The following POMGNT2 variants were observed in gnomAD, a reference collection of about 807,000 sequenced individuals.
The protein encoded by POMGNT2 is protein O-linked-mannose beta-1,4-N-acetylglucosaminyltransferase 2.
Under a neutral mutation model 37.8 loss-of-function variants are expected in POMGNT2, and 32 were observed. The ratio of observed to expected loss-of-function variants is 0.85; its 90% CI spans 0.64 to 1.14. POMGNT2 has a LOEUF of 1.14. Among genes scored for constraint, POMGNT2 ranks in the 50% most tolerant of loss-of-function variants. The pLI is 0.00. For synonymous variants in POMGNT2, 340 were observed against 336.8 expected, an observed-to-expected ratio of 1.01 and a Z score of -0.10; for missense variants, 705 against 780.6, an observed-to-expected ratio of 0.90 and a Z score of 1.15.
At chr3:43,097,528 C>T (rs74573598) in intron 1 of POMGNT2, among the ~76,000 whole-genome samples, 75 of 151,864 alleles carry the variant, frequency 4.9e-4, no homozygotes, top group Non-Finnish European at 9.1e-4. Context: ...GAAAGGAAGC[C>T]GGGAGAGGGA....
chr3:43,101,728 T>C (rs562029634), intron 1 of POMGNT2, among the ~76,000 whole-genome samples: 121 of 152,310 alleles, frequency 7.9e-4, no homozygotes, highest in African/African-American at 2.4e-3. Context: ...ACTAATTCAA[T>C]TGAGAATAAC....
chr3:43,100,613 G>A (rs369529893), intron 1 of POMGNT2, among the ~76,000 whole-genome samples: 21 of 152,092 alleles, frequency 1.4e-4, no homozygotes, highest in African/African-American at 4.3e-4. Context: ...AAAAATTAAC[G>A]AAATGAATAT....
At chr3:43,096,878 TAAGCTCCC>T (rs541764486) in intron 1 of POMGNT2, among the ~76,000 whole-genome samples, 64 of 152,366 alleles carry the variant, frequency 4.2e-4, no homozygotes, top group African/African-American at 1.3e-3. Flanking sequence ...ACCACTTTAC[TAAGCTCCC>T]AAGAGCAGTT....
chr3:43,094,373 T>A (rs538053576), intron 1 of POMGNT2, among the ~76,000 whole-genome samples: 1 of 152,210 alleles, frequency 6.6e-6, no homozygotes, highest in Admixed American at 6.5e-5. Context: ...CTGGGCCAAG[T>A]TGCTTACTGG....
At chr3:43,088,757 C>A (rs2089918795) in intron 1 of POMGNT2, among the ~76,000 whole-genome samples, 1 of 152,226 alleles carries the variant, frequency 6.6e-6, no homozygotes, top group Non-Finnish European at 1.5e-5. Flanking sequence ...CAGCTTGAGG[C>A]AAAGACAGTG....
rs1285264802 is a variant in POMGNT2, at chr3:43,080,452, G to A, written c.980C>T (p.Thr327Ile). 1.2e-6 allele frequency: 2 copies of A among 1,614,110 alleles called. No individual in the cohort carries two copies. Among genetic ancestry groups the A allele is most frequent in the South Asian group, 1.1e-5 (1 of 91,096 alleles). Residue 327 changes from threonine (T) to isoleucine (I), a missense_variant, in exon 2 of 2, where the codon ACC (threonine) becomes ATC (isoleucine). Transcript: ENST00000344697. ...KTVTVSLEDH[T>I]FADVVRLVSN... The stretch of plus-strand genomic sequence containing the variant: ...GACCAGCCGCACGACATCAGCAAAG[G>A]TGTGGTCCTCCAGGGACACTGTCAC...
intron 1 of POMGNT2, among the ~76,000 whole-genome samples, chr3:43,105,177 T>G (rs991039676): frequency 1.3e-5 from 2 of 152,182 alleles, no homozygotes; most frequent in African/African-American, 4.8e-5. Flanking sequence ...TCACATACTT[T>G]AGCAGAGAGT....
intron 1 of POMGNT2, among the ~76,000 whole-genome samples, chr3:43,088,750 C>A (rs1279418544): frequency 1.3e-5 from 2 of 152,230 alleles, no homozygotes; most frequent in Non-Finnish European, 2.9e-5. Context: ...CGGAAACCAG[C>A]TTGAGGCAAA....
At position 43,080,589 on chromosome 3, in the gene POMGNT2, TC is replaced by T. The variant is rs1559414350; in HGVS notation, c.842del (p.Gly281GlufsTer4). The T allele has an allele frequency of 6.2e-7, 1 of 1,614,218 alleles. No individual in the cohort carries two copies. The highest frequency in any genetic ancestry group is 1.3e-5 in the African/African-American group (1 of 75,064). Reference protein sequence around the residue: ...MTEKLNVSHTGVPLGEEYILV... With the variant: ...MTEKLNVSHTXVPLGEEYILV... Reference sequence around the variant, plus strand: ...GAATGTACTCCTCGCCTAGGGGGACTCCTGTGTGGCTCACGTTCAGCTTTTC... The same window carrying T: ...GAATGTACTCCTCGCCTAGGGGGACTCTGTGTGGCTCACGTTCAGCTTTTC... On this transcript the variant is annotated frameshift_variant, in exon 2 of 2. Transcript: ENST00000344697. LOFTEE classifies it high-confidence loss of function.
At chr3:43,091,730 A>AACTTATTGACGTAATGT (rs2089944768) in intron 1 of POMGNT2, among the ~76,000 whole-genome samples, 1 of 152,238 alleles carries the variant, frequency 6.6e-6, no homozygotes, top group African/African-American at 2.4e-5. Flanking sequence ...CACCTGTAAT[A>AACTTATTGACGTAATGT]ACCTATTGAC....
At chr3:43,100,413 G>A (rs2090009749) in intron 1 of POMGNT2, among the ~76,000 whole-genome samples, 1 of 152,156 alleles carries the variant, frequency 6.6e-6, no homozygotes, top group Admixed American at 6.5e-5. Context: ...TTTTATAACA[G>A]GCACTTGAGC....
At chr3:43,084,564 G>A (rs575197385) in intron 1 of POMGNT2, among the ~76,000 whole-genome samples, 1 of 151,752 alleles carries the variant, frequency 6.6e-6, no homozygotes, top group East Asian at 2.0e-4. Context: ...AGAATGGCAT[G>A]AACCCAGGAG....
rs72872331 is a variant in POMGNT2, at chr3:43,098,534, T to C, written c.-106+7302A>G. Among the ~76,000 whole-genome samples, 3,014 of 152,350 alleles carry C rather than the reference T, an allele frequency of 0.02. 100 individuals carry two copies. Among genetic ancestry groups the C allele is most frequent in the African/African-American group, 0.068 (2,835 of 41,568 alleles). On this transcript the variant is annotated intron_variant, in intron 1 of 1. Transcript: ENST00000344697. This position sits in a 1 kb window ranked among gnomAD's most constrained non-coding sequence, Gnocchi z 4.3. Reference sequence around the variant, plus strand: ...ATCTTGGCAGTCTGAGTGGTTCTTGTAAAACTTAACACATTTAATTATCAA... The same window carrying C: ...ATCTTGGCAGTCTGAGTGGTTCTTGCAAAACTTAACACATTTAATTATCAA...
chr3:43,087,716 G>C (rs1258490478), intron 1 of POMGNT2: 1 of 152,150 alleles, frequency 6.6e-6, no homozygotes, highest in Non-Finnish European at 1.5e-5. Context: ...GGCTCTTCTG[G>C]AGACACCTTT....
rs2089824881 is a variant in POMGNT2 at position 43,079,437 on chromosome 3, C to T, written c.*252G>A. On this transcript the variant is annotated 3_prime_UTR_variant, in exon 2 of 2. Transcript: ENST00000344697. ...CTTGTGATTCTTTGCTTCCTCCTCT[C>T]CTCTTCCTCCTCCCTGCTAAGGAAC... 1 of 468,094 alleles carries T rather than the reference C, an allele frequency of 2.1e-6. No individual in the cohort carries two copies. The highest frequency in any genetic ancestry group is 2.0e-5 in the African/African-American group (1 of 50,614). The allele number at this position is 468,094 out of a possible 1,614,324, so 29.0% of individuals were successfully genotyped here.
Position 43,080,569 on chromosome 3 carries a change from TACTCCTCGCCTAGGGGG to T in POMGNT2, c.846_862del (p.Pro283HisfsTer5). On this transcript the variant is annotated frameshift_variant, in exon 2 of 2. Coordinates refer to ENST00000344697, the MANE Select transcript of POMGNT2 (RefSeq NM_032806.6). LOFTEE classifies it high-confidence loss of function. ...CTGGGTTCGGCTAAAGACCAGAATG[TACTCCTCGCCTAGGGGG>T]ACTCCTGTGTGGCTCACGTTCAGCT... 6.2e-7 allele frequency: 1 copy of T among 1,614,222 alleles called. No homozygotes were observed.
rs774025495 is a variant in POMGNT2, at chr3:43,079,976, G to A, written c.1456C>T (p.Arg486Trp). ...WTVGLYPGKVREARCQASVHG... is the reference protein window; with the variant it reads ...WTVGLYPGKVWEARCQASVHG... ...ACTGACGCCTGGCACCGTGCCTCCCGCACCTTGCCTGGATATAGGCCGACT... is the reference window on the plus strand; with the variant it reads ...ACTGACGCCTGGCACCGTGCCTCCCACACCTTGCCTGGATATAGGCCGACT... The change falls in exon 2 of 2, where the codon CGG becomes TGG. Residue 486 changes from arginine to tryptophan, a missense_variant. Transcript: ENST00000344697. 36 of 1,613,802 alleles carry A rather than the reference G, an allele frequency of 2.2e-5. No individual in the cohort carries two copies. The highest frequency in any genetic ancestry group is 4.0e-5 in the African/African-American group (3 of 74,948).
rs117505080 is a variant in POMGNT2 at position 43,079,369 on chromosome 3, A to C, written c.*320T>G. ...CGGTTTCCAGAAATCTGGATACCAG[A>C]AAAACTCAGTAGGAAACATCAGGAT... On this transcript the variant is annotated 3_prime_UTR_variant, in exon 2 of 2. Transcript: ENST00000344697. The C allele has an allele frequency of 5.7e-5, 18 of 318,182 alleles. No individual in the cohort carries two copies. Among genetic ancestry groups the C allele is most frequent in the African/African-American group, 3.9e-4 (18 of 46,628 alleles). The allele number at this position is 318,182 out of a possible 1,614,324, so 19.7% of individuals were successfully genotyped here.
At chr3:43,104,026 T>C (rs924068873) in intron 1 of POMGNT2, among the ~76,000 whole-genome samples, 2 of 152,230 alleles carry the variant, frequency 1.3e-5, no homozygotes, top group Non-Finnish European at 2.9e-5. Context: ...CAGTGCTAAC[T>C]GTTTTACACG....
Sources: allele counts gnomAD v4.1 joint callset (sites outside exome capture counted in the v4.1 genomes callset), GRCh38; gene constraint gnomAD v4.1.1; non-coding constraint Gnocchi (gnomAD v3.1); transcripts MANE v1.5; gene names NCBI Gene and HGNC (gene_info 2026-07-23, HGNC 2026-07-21).